The following ADAM32 variants were observed in gnomAD, a reference collection of about 807,000 sequenced individuals.
The protein encoded by ADAM32 is disintegrin and metalloproteinase domain-containing protein 32.
Under a neutral mutation model 114.9 loss-of-function variants are expected in ADAM32, and 89 were observed. The ratio of observed to expected loss-of-function variants is 0.77; its 90% confidence interval spans 0.65 to 0.92. The LOEUF (loss-of-function observed/expected upper bound fraction) is 0.92, where lower values mean the gene tolerates loss of function less well. ADAM32 is among the 40% of genes least tolerant of loss of function. ADAM32 has a pLI of 0.00. For synonymous variants in ADAM32, 285 were observed against 307.5 expected (o/e 0.93, Z 0.77); for missense variants, 870 against 932.8 (o/e 0.93, Z 0.88).
chr8:39,244,444 A>G (rs767317951), intron 16 of ADAM32, among the ~76,000 whole-genome samples: 2 of 152,244 alleles, frequency 1.3e-5, no homozygotes, highest in Non-Finnish European at 2.9e-5. Context: ...CCACTATAAA[A>G]ATAGACACAT....
intron 3 of ADAM32, among the ~76,000 whole-genome samples, 182 bp downstream of exon 3, chr8:39,136,900 T>C (rs1802839417): frequency 6.6e-6 from 1 of 152,208 alleles, no homozygotes; most frequent in African/African-American, 2.4e-5. Context: ...TATTCTTTGG[T>C]AAATGGGAGT....
At chr8:39,112,988 A>G (rs1840227445) in intron 1 of ADAM32, among the ~76,000 whole-genome samples, 1 of 152,208 alleles carries the variant, frequency 6.6e-6, no homozygotes, top group Admixed American at 6.5e-5. Flanking sequence ...GAGAGGTAGA[A>G]TGTATTTCTT....
intron 21 of ADAM32, 68 bp from the exon 22 acceptor site, chr8:39,275,760 C>A: frequency 7.1e-7 from 1 of 1,410,548 alleles, no homozygotes; most frequent in East Asian, 2.6e-5. Flanking sequence ...ATCCGACATT[C>A]ATTCATTATG....
At chr8:39,216,971 A>T (rs1808612734) in intron 12 of ADAM32, among the ~76,000 whole-genome samples, 1 of 151,724 alleles carries the variant, frequency 6.6e-6, no homozygotes, top group Non-Finnish European at 1.5e-5. Context: ...ATTTATTATC[A>T]CTCGTTAACG....
At chr8:39,258,650 A>G (rs1473041472) in intron 19 of ADAM32, among the ~76,000 whole-genome samples, 1 of 152,150 alleles carries the variant, frequency 6.6e-6, no homozygotes, top group African/African-American at 2.4e-5. Context: ...TAAATGTGTA[A>G]GCTTGATATG....
chr8:39,206,264 G>A lies in ADAM32; in HGVS notation c.1053-4880G>A, dbSNP rs187660857. ...CAGGTTTATTGGTCCTTCAGCACCC[G>A]TGGTGGTGGTAGTAGGCAGGGCTTG... On this transcript the variant is annotated intron_variant, in intron 11 of 24. Transcript: ENST00000379907. Among the ~76,000 whole-genome samples the A allele has an allele frequency of 1.3e-3, 195 of 152,286 alleles. 1 individual carries two copies. The highest frequency in any genetic ancestry group is 3.9e-3 in the African/African-American group (164 of 41,552).
rs189840413 is a variant in ADAM32, at chr8:39,274,227, A to G, written c.2202-85A>G. On this transcript the variant is annotated intron_variant, in intron 20 of 24. Transcript: ENST00000379907. ...TTAGTCTTTTAAAGAGATAATACTA[A>G]TTATAAAATGGCCTGATTTTCATTC... The G allele has an allele frequency of 5.1e-4, 655 of 1,279,340 alleles. 3 individuals carry two copies. The African/African-American group carries it at 8.3e-3, about 16-fold the overall frequency. 79.2% of individuals were successfully genotyped at this position (1,279,340 alleles called of 1,614,324 possible). A position where few individuals can be genotyped will look rare whatever the true frequency, so the allele number is the denominator to read the frequency against.
chr8:39,213,117 G>A (rs1808339310), intron 12 of ADAM32, among the ~76,000 whole-genome samples: 1 of 152,064 alleles, frequency 6.6e-6, no homozygotes, highest in Non-Finnish European at 1.5e-5. Context: ...ATTAAGTCAA[G>A]GTTATTAACA....
intron 11 of ADAM32, among the ~76,000 whole-genome samples, chr8:39,201,173 A>G (rs1329007316): frequency 6.6e-6 from 1 of 152,218 alleles, no homozygotes; most frequent in Non-Finnish European, 1.5e-5. Context: ...AGTCATTGGT[A>G]GCTTGATGGA....
intron 17 of ADAM32, among the ~76,000 whole-genome samples, chr8:39,248,052 A>C (rs1811043096): frequency 6.6e-6 from 1 of 151,978 alleles, no homozygotes; most frequent in African/African-American, 2.4e-5. Flanking sequence ...GATCCATTTG[A>C]TTATTCTTTC....
chr8:39,130,738 A>T, intron 2 of ADAM32: 3 of 335,670 alleles, frequency 8.9e-6, no homozygotes, highest in Non-Finnish European at 1.8e-5. Context: ...ATTTAATTCA[A>T]TTGAAGCAAA....
intron 2 of ADAM32, among the ~76,000 whole-genome samples, chr8:39,132,357 TTATAA>T (rs538592483): frequency 1.3e-5 from 2 of 152,252 alleles, no homozygotes; most frequent in African/African-American, 4.8e-5. Flanking sequence ...GATCCAGGTA[TTATAA>T]TATATCTTAA....
intron 10 of ADAM32, among the ~76,000 whole-genome samples, chr8:39,174,219 A>G (rs2129446604): frequency 6.6e-6 from 1 of 152,262 alleles, no homozygotes; most frequent in South Asian, 2.1e-4. Flanking sequence ...TTAAATAGGG[A>G]ATCCTTTCCC....
At chr8:39,265,015 G>A (rs144354764) in intron 19 of ADAM32, among the ~76,000 whole-genome samples, 131 of 152,234 alleles carry the variant, frequency 8.6e-4, no homozygotes, top group Non-Finnish European at 1.7e-3. Flanking sequence ...CAAGTGCCGC[G>A]TTAAGTCCCA....
intron 11 of ADAM32, among the ~76,000 whole-genome samples, chr8:39,209,980 C>T (rs1225206188): frequency 6.6e-6 from 1 of 152,200 alleles, no homozygotes; most frequent in Non-Finnish European, 1.5e-5. Flanking sequence ...AGGGTTTGCT[C>T]ACCTAACACC....
At chr8:39,174,324 G>A (rs890671064) in intron 10 of ADAM32, among the ~76,000 whole-genome samples, 2 of 152,106 alleles carry the variant, frequency 1.3e-5, no homozygotes, top group African/African-American at 4.8e-5. Flanking sequence ...TGGTCTATGT[G>A]TCTGTTCTTG....
intron 14 of ADAM32, among the ~76,000 whole-genome samples, chr8:39,230,470 G>A (rs538890473): frequency 7.2e-5 from 11 of 152,272 alleles, no homozygotes; most frequent in Non-Finnish European, 1.5e-4. Flanking sequence ...ACTGCTTTGT[G>A]ACCAAACATA....
At chr8:39,260,117 A>G (rs997145002) in intron 19 of ADAM32, among the ~76,000 whole-genome samples, 1 of 152,176 alleles carries the variant, frequency 6.6e-6, no homozygotes, top group Non-Finnish European at 1.5e-5. Flanking sequence ...TGCCTGATAT[A>G]TGTATATGCT....
intron 6 of ADAM32, among the ~76,000 whole-genome samples, chr8:39,151,938 C>T (rs1462712024): frequency 6.6e-6 from 1 of 152,116 alleles, no homozygotes; most frequent in Non-Finnish European, 1.5e-5. Flanking sequence ...GTTGAGATTA[C>T]AGGCATGAGC....
Sources: gnomAD v4.1 joint callset for allele counts (sites outside exome capture counted in the v4.1 genomes callset) on GRCh38, gnomAD v4.1.1 for gene constraint, MANE v1.5 for transcripts, NCBI Gene and HGNC (gene_info 2026-07-23, HGNC 2026-07-21) for gene names.